CNBD1: variants seen among roughly 807,000 people sequenced by gnomAD.
CNBD1 encodes cyclic nucleotide binding domain containing 1.
CNBD1 carries 71 observed loss-of-function variants against 54.4 expected under a neutral mutation model. The ratio of observed to expected loss-of-function variants is 1.30; its 90% CI spans 1.08 to 1.59. The LOEUF is 1.59. Ranked by LOEUF, CNBD1 falls within the 40% of genes most tolerant of loss-of-function variation. The pLI is 0.00. For synonymous variants in CNBD1, 182 were observed against 170.7 expected (o/e 1.07, Z -0.51); for missense variants, 659 against 518.0 (o/e 1.27, Z -2.64).
At chr8:87,018,582 T>A (rs1428162152) in intron 4 of CNBD1, among the ~76,000 whole-genome samples, 1 of 152,184 alleles carries the variant, frequency 6.6e-6, no homozygotes, top group East Asian at 1.9e-4. Context: ...TGGTCTAACA[T>A]ACAAATTACT....
chr8:87,315,459 G>A (rs958715181), intron 8 of CNBD1, among the ~76,000 whole-genome samples: 8 of 151,874 alleles, frequency 5.3e-5, no homozygotes, highest in Admixed American at 4.6e-4. Flanking sequence ...CTTCTGGTGA[G>A]GACCTCAGGT....
chr8:87,294,103 T>G (rs767327532), intron 8 of CNBD1, among the ~76,000 whole-genome samples: 28 of 152,178 alleles, frequency 1.8e-4, no homozygotes, highest in Non-Finnish European at 3.7e-4. Context: ...GAGTGATAGT[T>G]GAAAGGAGAG....
Position 87,353,714 on chromosome 8 carries a change from G to A in CNBD1, c.1231G>A (p.Val411Ile). Residue 411 changes from valine to isoleucine, a missense_variant, in exon 10 of 11, where the codon GTT becomes ATT. By Grantham distance (29) the Val-to-Ile change is conservative (BLOSUM62 3). Coordinates refer to ENST00000518476, the MANE Select transcript of CNBD1 (RefSeq NM_173538.3). ...TGGTGAGATTAGCGTCCTTCTTCAA[G>A]TTCCTTTCACGTGCACAATCATTAC... ...SFGEISVLLQ[V>I]PFTCTIITKK... 1.9e-6 allele frequency: 3 copies of A among 1,611,836 alleles called. No homozygotes were observed. Among genetic ancestry groups the A allele is most frequent in the Admixed American group, 1.7e-5 (1 of 59,878 alleles).
intron 8 of CNBD1, among the ~76,000 whole-genome samples, chr8:87,337,029 T>A (rs1052156120): frequency 5.3e-5 from 8 of 152,130 alleles, no homozygotes; most frequent in Non-Finnish European, 1.2e-4. Flanking sequence ...CACATTGAGA[T>A]GTCACTCAAG....
intron 5 of CNBD1, among the ~76,000 whole-genome samples, chr8:87,230,650 G>T (rs951598769): frequency 6.6e-6 from 1 of 152,090 alleles, no homozygotes; most frequent in Admixed American, 6.5e-5. Context: ...TGGGTTATTG[G>T]AATAATTAGT....
rs1809634372 is a variant in CNBD1 at position 87,324,856 on chromosome 8, GT to G, written c.1043-26826del. Among the ~76,000 whole-genome samples the G allele has an allele frequency of 2.7e-5, 3 of 111,480 alleles. 1 individual carries two copies. Among genetic ancestry groups the G allele is most frequent in the Admixed American group, 2.5e-4 (3 of 12,014 alleles). 73.1% of individuals were successfully genotyped at this position (111,480 alleles called of 152,430 possible). ...TTGCCTTCTGCTAGCTTTTGAATGT[GT>G]TTGCTCTTGCTTTTCTAGTTCTTTT... On this transcript the variant is annotated intron_variant, in intron 8 of 10. Transcript: ENST00000518476.
At chr8:87,199,916 G>A (rs868537616) in intron 4 of CNBD1, among the ~76,000 whole-genome samples, 7 of 152,126 alleles carry the variant, frequency 4.6e-5, no homozygotes, top group African/African-American at 1.7e-4. Context: ...CTCAGATGCT[G>A]TTAACTTTGG....
chr8:87,073,770 C>T (rs1290247970), intron 4 of CNBD1, among the ~76,000 whole-genome samples: 2 of 152,018 alleles, frequency 1.3e-5, no homozygotes, highest in African/African-American at 4.8e-5. Context: ...TGAGAGGGCT[C>T]ACCTAGTCAA....
intron 4 of CNBD1, among the ~76,000 whole-genome samples, chr8:86,962,959 G>T (rs1333129251): frequency 1.3e-5 from 2 of 152,062 alleles, no homozygotes; most frequent in Non-Finnish European, 2.9e-5. Context: ...CCAGCCTGAG[G>T]GTCAAAGGAG....
At chr8:86,884,782 G>C (rs1424307693) in intron 1 of CNBD1, among the ~76,000 whole-genome samples, 1 of 152,146 alleles carries the variant, frequency 6.6e-6, no homozygotes, top group Non-Finnish European at 1.5e-5. Context: ...CTGTTGCTAT[G>C]GCTGCTGAAC....
At chr8:87,345,674 C>G (rs555219983) in intron 8 of CNBD1, among the ~76,000 whole-genome samples, 11 of 152,008 alleles carry the variant, frequency 7.2e-5, no homozygotes, top group Non-Finnish European at 1.6e-4. Flanking sequence ...CGAAACTGAA[C>G]TAAGCAAGAA....
chr8:87,062,180 G>A (rs1810561109), intron 4 of CNBD1, among the ~76,000 whole-genome samples: 1 of 152,094 alleles, frequency 6.6e-6, no homozygotes, highest in South Asian at 2.1e-4. Context: ...TTCTATGTAG[G>A]TTTATATTTT....
Position 87,396,948 on chromosome 8 carries a change from C to G in CNBD1, c.214-31598C>G, listed in dbSNP as rs1811417867. 4.1e-5 allele frequency among the ~76,000 whole-genome samples: 6 copies of G among 145,106 alleles called. No individual in the cohort carries two copies. The Admixed American group carries it at 4.2e-4, about 10-fold the overall frequency. ...ATCTGGAACTTCTTTTCATGTAATT[C>G]ATGGATTAATCCCTCCTTCAATGAA... On this transcript the variant is annotated intron_variant, in intron 2 of 7. Coordinates refer to the CNBD1 transcript ENST00000521593.
At chr8:87,172,548 G>A (rs1813111087) in intron 4 of CNBD1, among the ~76,000 whole-genome samples, 2 of 150,924 alleles carry the variant, frequency 1.3e-5, no homozygotes, top group South Asian at 4.2e-4. Flanking sequence ...TATATATCTT[G>A]GTGCTCCAAT....
At chr8:87,341,808 T>C (rs1417208777) in intron 8 of CNBD1, among the ~76,000 whole-genome samples, 3 of 152,224 alleles carry the variant, frequency 2.0e-5, no homozygotes, top group African/African-American at 7.2e-5. Context: ...TGCTTTGATA[T>C]TGGTCTTATC....
chr8:87,374,892 A>T (rs985034170), intron 10 of CNBD1, among the ~76,000 whole-genome samples: 8 of 152,064 alleles, frequency 5.3e-5, no homozygotes, highest in South Asian at 2.1e-4. Flanking sequence ...AGCAACCAAG[A>T]TTTTAGTTTG....
intron 4 of CNBD1, among the ~76,000 whole-genome samples, chr8:87,120,454 T>C (rs1811867168): frequency 6.6e-6 from 1 of 151,872 alleles, no homozygotes; most frequent in South Asian, 2.1e-4. Context: ...TATTTGCATC[T>C]TCTCTCTTCT....
intron 4 of CNBD1, among the ~76,000 whole-genome samples, chr8:87,094,864 C>G (rs904069811): frequency 6.6e-6 from 1 of 152,116 alleles, no homozygotes; most frequent in African/African-American, 2.4e-5. Flanking sequence ...ATGGTGAAAC[C>G]CTGTCTCTAC....
chr8:87,210,051 TA>T (rs1361698562), intron 5 of CNBD1, among the ~76,000 whole-genome samples: 1 of 152,156 alleles, frequency 6.6e-6, no homozygotes, highest in African/African-American at 2.4e-5. Flanking sequence ...ACAAAGGTGC[TA>T]AAAACACTCA....
Sources: gnomAD v4.1 joint callset for allele counts (sites outside exome capture counted in the v4.1 genomes callset) on GRCh38, gnomAD v4.1.1 for gene constraint, MANE v1.5 for transcripts, NCBI Gene and HGNC (gene_info 2026-07-23, HGNC 2026-07-21) for gene names.